The following SIK3 variants were observed in gnomAD, a reference collection of about 807,000 sequenced individuals.
SIK3 encodes the protein SIK family kinase 3.
In SIK3, 28 loss-of-function variants were observed where a neutral mutation model predicts 144.2. The ratio of observed to expected loss-of-function variants is 0.19; its 90% CI spans 0.14 to 0.27. SIK3 has a LOEUF of 0.27. SIK3 is among the 10% of genes least tolerant of loss of function. SIK3 has a pLI of 1.00. For synonymous variants in SIK3, 686 were observed against 676.3 expected (o/e 1.01, Z -0.22); for missense variants, 1,319 against 1,776.0 (o/e 0.74, Z 4.62).
chr11:116,904,092 A>G (rs1178063928), intron 4 of SIK3, among the ~76,000 whole-genome samples: 1 of 152,154 alleles, frequency 6.6e-6, no homozygotes, highest in Non-Finnish European at 1.5e-5. Flanking sequence ...TGTAACATGT[A>G]TTTATGGAAC....
intron 4 of SIK3, among the ~76,000 whole-genome samples, chr11:116,906,131 G>GC (rs1364458818): frequency 6.6e-6 from 1 of 152,110 alleles, no homozygotes; most frequent in Non-Finnish European, 1.5e-5. Context: ...AAACTAGAAA[G>GC]CAAGATTAGG....
chr11:117,098,067 G>T, intron 1 of SIK3, 76 bp downstream of exon 1: 1 of 1,194,640 alleles, frequency 8.4e-7, no homozygotes, highest in South Asian at 2.8e-5. Flanking sequence ...TCGCCGCCCC[G>T]ACCCCCCGGC....
At chr11:117,031,396 G>A (rs983529209) in intron 1 of SIK3, among the ~76,000 whole-genome samples, 4 of 147,600 alleles carry the variant, frequency 2.7e-5, no homozygotes, top group African/African-American at 1.0e-4. Context: ...TAGCTGTCCA[G>A]TTGCTCCAGC....
intron 1 of SIK3, among the ~76,000 whole-genome samples, chr11:117,093,399 A>C (rs1955332330): frequency 6.6e-6 from 1 of 152,238 alleles, no homozygotes. Context: ...TTCTCTGTGT[A>C]ATATTTAAAG....
intron 1 of SIK3, among the ~76,000 whole-genome samples, chr11:117,095,093 G>C (rs1477788512): frequency 6.6e-6 from 1 of 151,302 alleles, no homozygotes; most frequent in Admixed American, 6.6e-5. Context: ...TTTGGGAAAG[G>C]GCCAGCTTAA....
chr11:117,078,037 GTTA>G (rs1954627191), intron 1 of SIK3, among the ~76,000 whole-genome samples: 2 of 152,184 alleles, frequency 1.3e-5, no homozygotes, highest in Non-Finnish European at 2.9e-5. Context: ...TAAATTAGCA[GTTA>G]TTTAGAATAA....
At chr11:116,940,138 AC>A (rs2135263430) in intron 3 of SIK3, among the ~76,000 whole-genome samples, 1 of 152,336 alleles carries the variant, frequency 6.6e-6, no homozygotes, top group East Asian at 1.9e-4. Context: ...CTGTTTGTAG[AC>A]ACTGGATAAT....
chr11:116,882,038 G>C (rs1260789517), intron 6 of SIK3, among the ~76,000 whole-genome samples: 3 of 152,124 alleles, frequency 2.0e-5, no homozygotes, highest in Non-Finnish European at 2.9e-5. Context: ...GGTATTCTGG[G>C]TTATGAAAAC....
chr11:117,012,666 G>C (rs180926010), intron 1 of SIK3, among the ~76,000 whole-genome samples: 48 of 151,956 alleles, frequency 3.2e-4, no homozygotes, highest in African/African-American at 1.1e-3. Context: ...GCTCACCCTG[G>C]TAGCCTTCCT....
intron 4 of SIK3, among the ~76,000 whole-genome samples, chr11:116,916,465 T>A (rs886599534): frequency 2.0e-5 from 3 of 152,072 alleles, no homozygotes; most frequent in African/African-American, 7.2e-5. Flanking sequence ...TCAGCCTCAC[T>A]CTTTTTGACA....
chr11:116,868,000 T>C lies in SIK3; in HGVS notation c.1898A>G (p.Gln633Arg). The change falls in exon 15 of 25, where the codon CAG becomes CGG. Residue 633 changes from glutamine (Q) to arginine (R), a missense_variant. By Grantham distance (43) the Gln-to-Arg change is conservative. Around this residue, in one of 8 missense-constraint regions of SIK3, gnomAD observed 167 missense variants for 263.3 expected, o/e 0.63. Transcript: ENST00000445177. This position sits in a 1 kb window ranked among gnomAD's most constrained non-coding sequence, Gnocchi z 4.1. ...CCAGACCCGGGAACGGAAAGGCTGC[T>C]GTCCTAGCTGCCGTTGTAGGTCCGG... ...IPPDLQRQLG[Q>R]QPFRSRVWPP... 6.4e-7 allele frequency: 1 copy of C among 1,550,526 alleles called. No homozygotes were observed. Among genetic ancestry groups the C allele is most frequent in the East Asian group, 2.4e-5 (1 of 40,922 alleles).
At chr11:117,065,279 T>C (rs976963670) in intron 1 of SIK3, among the ~76,000 whole-genome samples, 3 of 152,016 alleles carry the variant, frequency 2.0e-5, no homozygotes, top group Non-Finnish European at 4.4e-5. Context: ...ACTACTTTAT[T>C]ATTTTAAAAA....
At chr11:116,892,716 A>G (rs1945194271) in intron 6 of SIK3, among the ~76,000 whole-genome samples, 1 of 152,230 alleles carries the variant, frequency 6.6e-6, no homozygotes, top group Non-Finnish European at 1.5e-5. Context: ...TGTGCTCCTT[A>G]GTGTTTAACC....
At chr11:116,983,466 G>A (rs1366131304) in intron 1 of SIK3, among the ~76,000 whole-genome samples, 2 of 149,046 alleles carry the variant, frequency 1.3e-5, no homozygotes, top group Non-Finnish European at 3.0e-5. Flanking sequence ...GGAGGCAGAA[G>A]TTGCAGTGAG....
At position 116,844,711 on chromosome 11, in the gene SIK3, A is replaced by G. The variant is rs1941823872; in HGVS notation, c.*932T>C. 1 of 142,504 alleles carries G rather than the reference A, an allele frequency of 7.0e-6. No individual in the cohort carries two copies. Among genetic ancestry groups the G allele is most frequent in the African/African-American group, 2.5e-5 (1 of 39,410 alleles). 8.8% of individuals were successfully genotyped at this position (142,504 alleles called of 1,614,324 possible). ...ATATATACACACATATATAATATATATATGGAGAAACAATCCTTTTTATAG... is the reference window on the plus strand; with the variant it reads ...ATATATACACACATATATAATATATGTATGGAGAAACAATCCTTTTTATAG... On this transcript the variant is annotated 3_prime_UTR_variant, in exon 25 of 25. Coordinates refer to ENST00000445177, the MANE Select transcript of SIK3 (RefSeq NM_001366686.3).
At chr11:117,015,606 C>T (rs952198236) in intron 1 of SIK3, among the ~76,000 whole-genome samples, 3 of 149,754 alleles carry the variant, frequency 2.0e-5, no homozygotes, top group African/African-American at 7.4e-5. Flanking sequence ...CGTTGTTTCA[C>T]TCTTATTGCC....
chr11:117,095,505 C>A (rs1955436556), intron 1 of SIK3, among the ~76,000 whole-genome samples: 1 of 152,172 alleles, frequency 6.6e-6, no homozygotes, highest in Non-Finnish European at 1.5e-5. Flanking sequence ...AAAAAATCAA[C>A]CTGAGTTAAC....
At chr11:116,875,793 T>G (rs1944220187) in intron 9 of SIK3, 73 bp downstream of exon 9, 1 of 1,496,078 alleles carries the variant, frequency 6.7e-7, no homozygotes, top group African/African-American at 1.4e-5. Flanking sequence ...GACTTAGGGT[T>G]AGTGAGCAAC....
chr11:117,052,348 A>G (rs1489912023), intron 1 of SIK3, among the ~76,000 whole-genome samples: 1 of 152,186 alleles, frequency 6.6e-6, no homozygotes, highest in Non-Finnish European at 1.5e-5. Context: ...ACTGCAGCGA[A>G]CCTAAAGGTA....
Sources: allele counts gnomAD v4.1 joint callset (sites outside exome capture counted in the v4.1 genomes callset), GRCh38; gene constraint gnomAD v4.1.1; regional missense constraint gnomAD v4.1.1; non-coding constraint Gnocchi (gnomAD v3.1); transcripts MANE v1.5; gene names NCBI Gene and HGNC (gene_info 2026-07-23, HGNC 2026-07-21).